The following GBF1 variants were observed in gnomAD, a reference collection of about 807,000 sequenced individuals.
GBF1 encodes the protein golgi brefeldin A resistant guanine nucleotide exchange factor 1, also known as Golgi-specific brefeldin A-resistance guanine nucleotide exchange factor 1.
Under a neutral mutation model 210.5 loss-of-function variants are expected in GBF1, and 114 were observed. The ratio of observed to expected loss-of-function variants is 0.54; its 90% CI spans 0.47 to 0.63. GBF1 has a LOEUF of 0.63. Among genes scored for constraint, GBF1 ranks in the 30% least tolerant of loss-of-function variants. The pLI is 0.00. For synonymous variants in GBF1, 850 were observed against 889.2 expected, an observed-to-expected ratio of 0.96 and a Z score of 0.78; for missense variants, 1,851 against 2,357.7, an observed-to-expected ratio of 0.79 and a Z score of 4.45.
chr10:102,304,989 AAAAG>A (rs141632616), intron 3 of GBF1, among the ~76,000 whole-genome samples: 3,434 of 148,766 alleles, frequency 0.023, 72 homozygotes, highest in Non-Finnish European at 0.038. Context: ...CTCTTAAAAA[AAAAG>A]AAAGAAAGAA....
At chr10:102,348,950 A>G (rs1326149978) in intron 4 of GBF1, among the ~76,000 whole-genome samples, 1 of 152,048 alleles carries the variant, frequency 6.6e-6, no homozygotes, top group Admixed American at 6.5e-5. Flanking sequence ...GGAGTTCAAG[A>G]CCAGCCTGGA....
chr10:102,380,088 G>T, intron 36 of GBF1, 134 bp downstream of exon 36: 1 of 727,500 alleles, frequency 1.4e-6, no homozygotes, highest in Non-Finnish European at 2.4e-6. Flanking sequence ...CACTAAGCAG[G>T]ACCTAGGGAC....
At chr10:102,308,612 A>G (rs918157925) in intron 3 of GBF1, among the ~76,000 whole-genome samples, 4 of 151,858 alleles carry the variant, frequency 2.6e-5, no homozygotes, top group African/African-American at 9.7e-5. Flanking sequence ...ATTCTCAGTA[A>G]ACTATCGCAA....
intron 3 of GBF1, among the ~76,000 whole-genome samples, chr10:102,293,394 A>G (rs1279060520): frequency 7.5e-6 from 1 of 133,778 alleles, no homozygotes; most frequent in Non-Finnish European, 1.7e-5. Flanking sequence ...AATGACCATT[A>G]CTAGTTTATC....
chr10:102,240,519 C>T (rs1181147125), upstream of GBF1, among the ~76,000 whole-genome samples: 1 of 152,266 alleles, frequency 6.6e-6, no homozygotes, highest in African/African-American at 2.4e-5. Context: ...CCATCGCACA[C>T]GCAGCAGCTG....
intron 3 of GBF1, among the ~76,000 whole-genome samples, chr10:102,334,067 G>A (rs986350278): frequency 2.6e-5 from 4 of 152,112 alleles, no homozygotes; most frequent in Non-Finnish European, 5.9e-5. Context: ...GTGAATGATG[G>A]CATTCTGTCT....
intron 3 of GBF1, among the ~76,000 whole-genome samples, chr10:102,280,685 C>A (rs1383057735): frequency 6.6e-6 from 1 of 152,162 alleles, no homozygotes; most frequent in Non-Finnish European, 1.5e-5. Context: ...TATTTTGTCT[C>A]ACTTTACTCT....
intron 17 of GBF1, among the ~76,000 whole-genome samples, chr10:102,364,764 A>C (rs1211108545): frequency 6.6e-6 from 1 of 151,802 alleles, no homozygotes; most frequent in Non-Finnish European, 1.5e-5. Context: ...CAGGAGAATC[A>C]GTTGAACCTG....
Position 102,349,128 on chromosome 10 carries a change from G to A in GBF1, c.296-2128G>A, listed in dbSNP as rs369557026. 6.6e-5 allele frequency among the ~76,000 whole-genome samples: 10 copies of A among 152,118 alleles called. No individual in the cohort carries two copies. The East Asian group carries it at 1.4e-3, about 21-fold the overall frequency. On this transcript the variant is annotated intron_variant, in intron 4 of 39. Transcript: ENST00000369983. ...TGCACCACTGCACCCCAGCCTGGGCGATAGAGCAAGACCCTGTCTATTTAA... is the reference window on the plus strand; with the variant it reads ...TGCACCACTGCACCCCAGCCTGGGCAATAGAGCAAGACCCTGTCTATTTAA...
chr10:102,350,876 G>A (rs944448747), intron 4 of GBF1, among the ~76,000 whole-genome samples: 1 of 151,994 alleles, frequency 6.6e-6, no homozygotes, highest in Non-Finnish European at 1.5e-5. Context: ...CTGAGGTCAG[G>A]AGTTCAAGAC....
At chr10:102,336,282 A>G (rs182896275) in intron 3 of GBF1, among the ~76,000 whole-genome samples, 2 of 149,484 alleles carry the variant, frequency 1.3e-5, no homozygotes, top group East Asian at 3.9e-4. Context: ...GCCTGGTGAC[A>G]GAGCGAGACT....
At chr10:102,357,943 T>C in intron 8 of GBF1, 96 bp from the exon 9 acceptor site, 1 of 832,396 alleles carries the variant, frequency 1.2e-6, no homozygotes. Flanking sequence ...GGGGTATAGC[T>C]TGTTTTCTAG....
intron 3 of GBF1, among the ~76,000 whole-genome samples, chr10:102,290,121 A>G (rs1025936418): frequency 1.3e-5 from 2 of 152,214 alleles, no homozygotes; most frequent in Non-Finnish European, 2.9e-5. Context: ...CAAAAACACA[A>G]AAATCACTGT....
intron 3 of GBF1, among the ~76,000 whole-genome samples, chr10:102,292,628 A>C (rs937764065): frequency 2.5e-4 from 38 of 152,288 alleles, no homozygotes; most frequent in African/African-American, 8.9e-4. Context: ...TTGGTCTCCT[A>C]AAGTGCTGGG....
rs765445556 is a variant in GBF1 at position 102,351,917 on chromosome 10, T to C, written c.489T>C (p.Ser163=). 6.2e-7 allele frequency: 1 copy of C among 1,610,410 alleles called. No homozygotes were observed. Among genetic ancestry groups the C allele is most frequent in the Non-Finnish European group, 8.5e-7 (1 of 1,176,564 alleles). The change falls in exon 6 of 40, where the codon TCT becomes TCC. Residue 163 remains serine (S), a synonymous_variant. Coordinates refer to ENST00000369983, the MANE Select transcript of GBF1 (RefSeq NM_001377137.1). ...TNESVCEIMQ[S]CFRICFEMRL... is the part of the protein sequence containing the mutation. ...AATCTGTGTGTGAGATTATGCAGTC[T>C]TGCTTCCGGATCTGCTTTGAAATGA... is the stretch of plus-strand genomic sequence containing the variant.
chr10:102,315,816 A>G (rs1280929384), intron 3 of GBF1, among the ~76,000 whole-genome samples: 1 of 152,120 alleles, frequency 6.6e-6, no homozygotes, highest in Non-Finnish European at 1.5e-5. Flanking sequence ...AGGTAACAGA[A>G]AAGCAAAGAA....
rs988137096 is a variant in GBF1 at position 102,337,234 on chromosome 10, C to T, written c.164-6817C>T. Among the ~76,000 whole-genome samples the T allele has an allele frequency of 2.0e-5, 3 of 151,552 alleles. 1 individual carries two copies. The highest frequency in any genetic ancestry group is 1.5e-5 in the Non-Finnish European group (1 of 67,922). On this transcript the variant is annotated intron_variant, in intron 3 of 39. Transcript: ENST00000369983. The stretch of plus-strand genomic sequence containing the variant: ...TCTACTAAAAATACAAAAAGTTAGC[C>T]GGGCATGGTGGTGGGCGCCTGTAGT...
chr10:102,334,235 C>T, intron 3 of GBF1, among the ~76,000 whole-genome samples: 1 of 152,202 alleles, frequency 6.6e-6, no homozygotes, highest in Non-Finnish European at 1.5e-5. Flanking sequence ...TACCGCAGGC[C>T]TTTTTCCTTG....
intron 3 of GBF1, among the ~76,000 whole-genome samples, chr10:102,291,369 G>A (rs952689917): frequency 6.6e-6 from 1 of 152,180 alleles, no homozygotes; most frequent in African/African-American, 2.4e-5. Context: ...TGTGTGTGGA[G>A]AGCAGGCTGT....
Sources: gnomAD v4.1 joint callset for allele counts (sites outside exome capture counted in the v4.1 genomes callset) on GRCh38, gnomAD v4.1.1 for gene constraint, MANE v1.5 for transcripts, NCBI Gene and HGNC (gene_info 2026-07-23, HGNC 2026-07-21) for gene names.